The following NCAPD2 variants were observed in gnomAD, a reference collection of about 807,000 sequenced individuals.
NCAPD2 encodes the protein condensin complex subunit 1.
In NCAPD2, 100 loss-of-function variants were observed where a neutral mutation model predicts 164.5. That is an observed-to-expected ratio of 0.61 (90% confidence interval 0.52 to 0.72). The LOEUF is 0.72. NCAPD2 is among the 30% of genes least tolerant of loss of function. NCAPD2 has a pLI of 0.00. For missense variants in NCAPD2, 1,560 were observed against 1,749.2 expected (o/e 0.89, Z 1.93); for synonymous variants, 585 against 642.6 (o/e 0.91, Z 1.36).
chr12:6,521,153 C>T (rs1946260122), intron 14 of NCAPD2, 43 bp downstream of exon 14: 1 of 1,603,616 alleles, frequency 6.2e-7, no homozygotes, highest in African/African-American at 1.3e-5. Flanking sequence ...CACATGTCAA[C>T]TGGTATTTAC....
intron 4 of NCAPD2, 176 bp from the exon 5 acceptor site, chr12:6,510,453 A>G (rs537111096): frequency 2.7e-5 from 22 of 814,780 alleles, no homozygotes; most frequent in Admixed American, 2.0e-4. Flanking sequence ...GAGTAGGAAC[A>G]GGGCATGTTC....
intron 2 of NCAPD2, among the ~76,000 whole-genome samples, chr12:6,499,910 CAG>C (rs1173087099): frequency 6.6e-6 from 1 of 152,010 alleles, no homozygotes. Context: ...TGCTCAAGCT[CAG>C]GGGTTTGAGA....
intron 17 of NCAPD2, among the ~76,000 whole-genome samples, chr12:6,525,315 A>G (rs550645259): frequency 6.6e-6 from 1 of 152,136 alleles, no homozygotes; most frequent in Non-Finnish European, 1.5e-5. Flanking sequence ...AAATCTCCAG[A>G]CTTAGAACTA....
intron 8 of NCAPD2, 39 bp downstream of exon 8, chr12:6,514,626 C>T (rs1293610661): frequency 6.2e-7 from 1 of 1,612,988 alleles, no homozygotes; most frequent in African/African-American, 1.3e-5. Context: ...GCTTATTTTC[C>T]TTGGGGAGGG....
rs1946132311 is a variant in NCAPD2, at chr12:6,510,117, G to T, written c.246G>T (p.Leu82=). The change falls in exon 4 of 32, where the codon CTG becomes CTT. Residue 82 remains leucine (L), a synonymous_variant. Coordinates refer to ENST00000315579, the MANE Select transcript of NCAPD2 (RefSeq NM_014865.4). ...SIDPGLKEDT[L]QFLIKVVSRH... ...ATCCTGGCCTCAAAGAAGATACTCTGCAATTCCTGATAAAAGGTGTTTATG... is the reference window on the plus strand; with the variant it reads ...ATCCTGGCCTCAAAGAAGATACTCTTCAATTCCTGATAAAAGGTGTTTATG... 6.2e-7 allele frequency: 1 copy of T among 1,612,030 alleles called. No individual in the cohort carries two copies. The highest frequency in any genetic ancestry group is 8.5e-7 in the Non-Finnish European group (1 of 1,178,102).
Position 6,531,810 on chromosome 12 carries a change from A to T in NCAPD2, c.*398A>T, listed in dbSNP as rs1043282. 0.19 allele frequency: 38,052 copies of T among 200,594 alleles called. 3,408 individuals carry two copies. The highest frequency in any genetic ancestry group is 0.34 in the East Asian group (2,342 of 6,822). 12.4% of individuals were successfully genotyped at this position (200,594 alleles called of 1,614,324 possible). The stretch of plus-strand genomic sequence containing the variant: ...CAATAGCGAACCTCCATCTCAAATT[A>T]AAAAAAAAATGCCTACACGCTCTTT... On this transcript the variant is annotated 3_prime_UTR_variant, in exon 32 of 32. Coordinates refer to ENST00000315579, the MANE Select transcript of NCAPD2 (RefSeq NM_014865.4). The surrounding 1 kb of genome is among the most constrained non-coding windows in gnomAD (Gnocchi z 4.1).
chr12:6,528,483 AC>A lies in NCAPD2; in HGVS notation c.3299+159del. On this transcript the variant is annotated intron_variant, in intron 25 of 31. Coordinates refer to ENST00000315579, the MANE Select transcript of NCAPD2 (RefSeq NM_014865.4). The surrounding 1 kb of genome is among the most constrained non-coding windows in gnomAD (Gnocchi z 5.1). ...CTGTACAGGCCCCTGGCTAAGAGTC[AC>A]CCCAGTGGGACTGACACTTCTGGTT... The A allele has an allele frequency of 2.5e-6, 3 of 1,186,902 alleles. No individual in the cohort carries two copies. Among genetic ancestry groups the A allele is most frequent in the Non-Finnish European group, 3.6e-6 (3 of 842,706 alleles). The allele number at this position is 1,186,902 out of a possible 1,614,324, so 73.5% of individuals were successfully genotyped here. A position where few individuals can be genotyped will look rare whatever the true frequency, so the allele number is the denominator to read the frequency against.
chr12:6,506,240 G>A (rs1373550270), intron 2 of NCAPD2, among the ~76,000 whole-genome samples: 2 of 152,116 alleles, frequency 1.3e-5, no homozygotes, highest in South Asian at 2.1e-4. Flanking sequence ...TTACAAGTGT[G>A]AACTATCACA....
chr12:6,518,025 A>G (rs577771594), intron 13 of NCAPD2, 66 bp downstream of exon 13: 1 of 1,484,176 alleles, frequency 6.7e-7, no homozygotes, highest in South Asian at 1.2e-5. Flanking sequence ...TGAGAAACTT[A>G]CATAATGTGT....
chr12:6,511,229 A>C lies in NCAPD2; in HGVS notation c.564A>C (p.Ser188=), dbSNP rs61753198. ...QLDIRHLWNH[S]IIEEEFVSLV... ...ACATCCGTCACCTGTGGAACCACTC[A>C]ATAATTGAAGAAGAATTTGTCAGGT... The change falls in exon 6 of 32, where the codon TCA becomes TCC. Residue 188 remains serine, a synonymous_variant. Transcript: ENST00000315579. 16,767 of 1,614,136 alleles carry C rather than the reference A, an allele frequency of 0.01. 197 individuals are homozygous for C. The highest frequency in any genetic ancestry group is 0.025 in the Middle Eastern group (152 of 6,062).
intron 14 of NCAPD2, 127 bp from the exon 15 acceptor site, chr12:6,521,671 G>A: frequency 8.2e-7 from 1 of 1,221,714 alleles, no homozygotes; most frequent in Non-Finnish European, 1.1e-6. Context: ...AGGCAACAGA[G>A]TGAGACCCCA....
At chr12:6,504,473 A>G (rs1262338095) in intron 2 of NCAPD2, among the ~76,000 whole-genome samples, 1 of 151,604 alleles carries the variant, frequency 6.6e-6, no homozygotes, top group Middle Eastern at 3.4e-3. Context: ...GCTCACTGCA[A>G]CCTCCACCTG....
rs925727271 is a variant in NCAPD2, at chr12:6,531,272, T to C, written c.4121-55T>C. The C allele has an allele frequency of 1.3e-6, 2 of 1,564,444 alleles. No individual in the cohort carries two copies. The highest frequency in any genetic ancestry group is 2.7e-5 in the African/African-American group (2 of 73,566). ...GTCTCACTTGTTCTCTGATATCTAT[T>C]TTTTCACCATCTTTGTGACTCAGCT... On this transcript the variant is annotated intron_variant, in intron 31 of 31. Coordinates refer to ENST00000315579, the MANE Select transcript of NCAPD2 (RefSeq NM_014865.4). This position sits in a 1 kb window ranked among gnomAD's most constrained non-coding sequence, Gnocchi z 4.1.
chr12:6,531,193 G>C lies in NCAPD2; in HGVS notation c.4120+117G>C. ...GTAGATGCTCTGCCCCACTGCCGCA[G>C]AAGGGCCTCTCCTGTACAGCTTGGA... is the stretch of plus-strand genomic sequence containing the variant. On this transcript the variant is annotated intron_variant, in intron 31 of 31. Transcript: ENST00000315579. The surrounding 1 kb of genome is among the most constrained non-coding windows in gnomAD (Gnocchi z 4.1). 6.7e-7 allele frequency: 1 copy of C among 1,500,638 alleles called. No individual in the cohort carries two copies. The highest frequency in any genetic ancestry group is 9.1e-7 in the Non-Finnish European group (1 of 1,094,300). 93.0% of individuals were successfully genotyped at this position (1,500,638 alleles called of 1,614,324 possible).
At position 6,495,215 on chromosome 12, in the gene NCAPD2, A is replaced by G. The variant is rs1945966669; in HGVS notation, c.117A>G (p.Pro39=). ...QEVLSIKHLP[P]QLRAFQAAFR... is the part of the protein sequence containing the mutation. ...TACTGTCCATCAAACATCTTCCACC[A>G]CAGCTTAGAGGTAAGAGTCCATAGC... is the stretch of plus-strand genomic sequence containing the variant. The change falls in exon 2 of 32, where the codon CCA becomes CCG. Residue 39 remains proline, a synonymous_variant. Coordinates refer to ENST00000315579, the MANE Select transcript of NCAPD2 (RefSeq NM_014865.4). The G allele has an allele frequency of 6.2e-7, 1 of 1,614,176 alleles. No individual in the cohort carries two copies. Among genetic ancestry groups the G allele is most frequent in the African/African-American group, 1.3e-5 (1 of 75,072 alleles).
chr12:6,512,921 A>T (rs757881642), intron 6 of NCAPD2, among the ~76,000 whole-genome samples: 17 of 151,696 alleles, frequency 1.1e-4, no homozygotes, highest in Non-Finnish European at 2.4e-4. Flanking sequence ...GTCAAGGATG[A>T]CTCTCCCGGG....
chr12:6,517,633 A>T lies in NCAPD2; in HGVS notation c.1358A>T (p.Glu453Val). 6.2e-7 allele frequency: 1 copy of T among 1,614,242 alleles called. No homozygotes were observed. Among genetic ancestry groups the T allele is most frequent in the Non-Finnish European group, 8.5e-7 (1 of 1,180,046 alleles). ...DADLAGPLQKETQKLQEMRAQ... is the reference protein window; with the variant it reads ...DADLAGPLQKVTQKLQEMRAQ... ...GACCTTGCCGGACCACTGCAGAAGGAGACCCAGAAATTACAAGAGATGAGG... is the reference window on the plus strand; with the variant it reads ...GACCTTGCCGGACCACTGCAGAAGGTGACCCAGAAATTACAAGAGATGAGG... The change falls in exon 12 of 32, where the codon GAG (glutamate) becomes GTG (valine). Residue 453 changes from glutamate (E) to valine (V), a missense_variant. Physicochemically the swap from Glu to Val is moderately radical, Grantham distance 121. Coordinates refer to ENST00000315579, the MANE Select transcript of NCAPD2 (RefSeq NM_014865.4).
chr12:6,510,051 C>T, intron 3 of NCAPD2, 24 bp from the exon 4 acceptor site: 1 of 1,610,408 alleles, frequency 6.2e-7, no homozygotes, highest in Non-Finnish European at 8.5e-7. Flanking sequence ...CCTGTCTCAC[C>T]CCCACACTTT....
intron 2 of NCAPD2, among the ~76,000 whole-genome samples, chr12:6,497,750 G>T (rs925506518): frequency 6.6e-6 from 1 of 151,718 alleles, no homozygotes; most frequent in African/African-American, 2.4e-5. Flanking sequence ...CTCCTAAGTA[G>T]CTGGGATTAC....
Sources: gnomAD v4.1 joint callset for allele counts (sites outside exome capture counted in the v4.1 genomes callset) on GRCh38, gnomAD v4.1.1 for gene constraint, Gnocchi (gnomAD v3.1) non-coding constraint, MANE v1.5 for transcripts, NCBI Gene and HGNC (gene_info 2026-07-23, HGNC 2026-07-21) for gene names.